The following ATOX1 variants were observed in gnomAD, a reference collection of about 807,000 sequenced individuals.
The protein encoded by ATOX1 is antioxidant 1 copper chaperone, also known as copper transport protein ATOX1.
ATOX1 carries 4 observed loss-of-function variants against 7.3 expected under a neutral mutation model. That is an observed-to-expected ratio of 0.55 (90% confidence interval 0.27 to 1.25). The LOEUF (loss-of-function observed/expected upper bound fraction) is 1.25, where lower values mean the gene tolerates loss of function less well. Ranked by LOEUF, ATOX1 falls within the 50% of genes most tolerant of loss-of-function variation. The pLI is 0.12. For synonymous variants in ATOX1, 25 were observed against 28.7 expected (o/e 0.87, Z 0.41); for missense variants, 68 against 81.6 (o/e 0.83, Z 0.64).
At chr5:151,757,965 G>A (rs1423248725) in intron 1 of ATOX1, among the ~76,000 whole-genome samples, 1 of 152,252 alleles carries the variant, frequency 6.6e-6, no homozygotes, top group South Asian at 2.1e-4. Flanking sequence ...GACTGTGCGG[G>A]GGGGTTCCTG....
intron 2 of ATOX1, among the ~76,000 whole-genome samples, chr5:151,748,372 C>T (rs1364451454): frequency 6.6e-6 from 1 of 152,112 alleles, no homozygotes; most frequent in Non-Finnish European, 1.5e-5. Flanking sequence ...GGCTGGCCAG[C>T]TCCTGTGGCC....
chr5:151,748,720 A>G (rs905611901), intron 2 of ATOX1, among the ~76,000 whole-genome samples: 1 of 151,838 alleles, frequency 6.6e-6, no homozygotes. Flanking sequence ...AAATTAGCTC[A>G]GTGTGTGGCA....
At chr5:151,746,197 A>G (rs928118206) in intron 3 of ATOX1, 82 bp downstream of exon 3, 3 of 1,322,044 alleles carry the variant, frequency 2.3e-6, no homozygotes, top group Middle Eastern at 2.7e-4. Context: ...CGCTCCACTC[A>G]AGCTCTCAAA....
In ATOX1 at chr5:151,757,548, G is replaced by A. The variant is rs28917170; in HGVS notation, c.6+998C>T. ...CTCACCTGCCAGCTCCCTAAAGACA[G>A]GATGCAAAGACACATGGCAACTGTG... On this transcript the variant is annotated intron_variant, in intron 1 of 3. Transcript: ENST00000313115. Among the ~76,000 whole-genome samples, 1,201 of 152,344 alleles carry A rather than the reference G, an allele frequency of 7.9e-3. 20 individuals carry two copies. Among genetic ancestry groups the A allele is most frequent in the African/African-American group, 0.028 (1,145 of 41,570 alleles).
intron 2 of ATOX1, among the ~76,000 whole-genome samples, chr5:151,750,750 G>A (rs1416098095): frequency 1.4e-5 from 2 of 147,858 alleles, no homozygotes; most frequent in African/African-American, 2.5e-5. Flanking sequence ...AGGCTCAAGC[G>A]ATCTTCCCAC....
At chr5:151,756,312 G>A (rs769285043) in intron 1 of ATOX1, among the ~76,000 whole-genome samples, 9 of 151,926 alleles carry the variant, frequency 5.9e-5, no homozygotes, top group African/African-American at 1.9e-4. Context: ...ACGGTGATTC[G>A]GCTGAGTAGG....
chr5:151,754,108 A>C (rs1196074630), intron 1 of ATOX1: 1 of 152,222 alleles, frequency 6.6e-6, no homozygotes, highest in Admixed American at 6.5e-5. Flanking sequence ...CAGATTCTGG[A>C]AAGAAGGATT....
intron 1 of ATOX1, among the ~76,000 whole-genome samples, chr5:151,753,146 T>A (rs951284953): frequency 2.0e-5 from 3 of 152,210 alleles, no homozygotes; most frequent in African/African-American, 7.2e-5. Context: ...ACCCTCGAGC[T>A]AACAAGCATG....
intron 1 of ATOX1, chr5:151,752,558 G>C (rs1175634810): frequency 1.9e-6 from 1 of 533,646 alleles, no homozygotes; most frequent in Non-Finnish European, 3.3e-6. Context: ...TGCCTGGACA[G>C]AGTAGGTGCT....
At chr5:151,746,019 C>G in intron 3 of ATOX1, 1 of 270,550 alleles carries the variant, frequency 3.7e-6, no homozygotes, top group East Asian at 8.7e-5. Flanking sequence ...TGAACTGCAA[C>G]CCTCAAGTCT....
At chr5:151,752,516 G>A in intron 1 of ATOX1, 1 of 611,620 alleles carries the variant, frequency 1.6e-6, no homozygotes, top group East Asian at 2.7e-5. Context: ...GTTTTGTTCA[G>A]TTCACTACTG....
At chr5:151,754,475 T>C (rs1454454302) in intron 1 of ATOX1, among the ~76,000 whole-genome samples, 3 of 151,880 alleles carry the variant, frequency 2.0e-5, no homozygotes, top group Non-Finnish European at 4.4e-5. Flanking sequence ...TAGCCAGGCA[T>C]GGTGGCAGGT....
intron 2 of ATOX1, among the ~76,000 whole-genome samples, chr5:151,751,211 G>T (rs1414996819): frequency 1.4e-5 from 2 of 145,022 alleles, no homozygotes; most frequent in East Asian, 4.0e-4. Flanking sequence ...AGCCGAGATT[G>T]CACCATTGCA....
intron 3 of ATOX1, chr5:151,744,474 T>C (rs1463419777): frequency 6.6e-6 from 1 of 152,228 alleles, no homozygotes; most frequent in Non-Finnish European, 1.5e-5. Flanking sequence ...TGAGAAAACA[T>C]GTTTTCTATG....
chr5:151,755,170 G>A (rs1057461359), intron 1 of ATOX1, among the ~76,000 whole-genome samples: 2 of 152,084 alleles, frequency 1.3e-5, no homozygotes, highest in Admixed American at 6.6e-5. Flanking sequence ...AGGATAACCA[G>A]CAGAAAATCA....
intron 2 of ATOX1, chr5:151,746,706 A>G (rs1032427659): frequency 1.3e-5 from 5 of 385,912 alleles, no homozygotes; most frequent in African/African-American, 8.3e-5. Flanking sequence ...GGCTGTGAGC[A>G]GGATTTGGCC....
At chr5:151,757,310 C>CA (rs976768856) in intron 1 of ATOX1, among the ~76,000 whole-genome samples, 4 of 152,178 alleles carry the variant, frequency 2.6e-5, no homozygotes, top group African/African-American at 9.7e-5. Context: ...CCACCCCCCA[C>CA]AAAAAATCCT....
chr5:151,749,400 G>T (rs958456160), intron 2 of ATOX1, among the ~76,000 whole-genome samples: 1 of 151,818 alleles, frequency 6.6e-6, no homozygotes, highest in Non-Finnish European at 1.5e-5. Flanking sequence ...CAGGAGAATC[G>T]CTTGAACCTG....
At chr5:151,755,321 G>A (rs762373436) in intron 1 of ATOX1, among the ~76,000 whole-genome samples, 49 of 152,194 alleles carry the variant, frequency 3.2e-4, no homozygotes, top group Non-Finnish European at 1.6e-4. Context: ...CACTGAGCCT[G>A]GAAAGAGAGC....
Sources: gnomAD v4.1 joint callset for allele counts (sites outside exome capture counted in the v4.1 genomes callset) on GRCh38, gnomAD v4.1.1 for gene constraint, MANE v1.5 for transcripts, NCBI Gene and HGNC (gene_info 2026-07-23, HGNC 2026-07-21) for gene names.